Variants in TMEM117 observed in about 807,000 individuals in gnomAD.
TMEM117 encodes the protein transmembrane protein 117.
In TMEM117, 27 loss-of-function variants were observed where a neutral mutation model predicts 52.4. The observed-to-expected ratio is 0.51, with a 90% CI of 0.38 to 0.71. The LOEUF (loss-of-function observed/expected upper bound fraction) is 0.71, where lower values mean the gene tolerates loss of function less well. Among genes scored for constraint, TMEM117 ranks in the 30% least tolerant of loss-of-function variants. The pLI, the probability that TMEM117 is intolerant of heterozygous loss-of-function variation, is 0.00. For synonymous variants in TMEM117, 215 were observed against 206.3 expected (o/e 1.04, Z -0.36); for missense variants, 556 against 630.5 (o/e 0.88, Z 1.26).
intron 3 of TMEM117, among the ~76,000 whole-genome samples, chr12:44,042,681 G>A (rs539601948): frequency 6.6e-6 from 1 of 150,964 alleles, no homozygotes; most frequent in African/African-American, 2.4e-5. Flanking sequence ...TTTGGGACTC[G>A]GACTGGCTCT....
intron 3 of TMEM117, among the ~76,000 whole-genome samples, chr12:44,082,473 C>A (rs191458847): frequency 0.01 from 1,522 of 151,848 alleles, 9 homozygotes; most frequent in African/African-American, 0.016. Flanking sequence ...ATATTTTTAT[C>A]ATAAACAAAA....
In TMEM117 at chr12:44,030,487, T is replaced by C. The variant is rs563292467; in HGVS notation, c.410+86145T>C. The stretch of plus-strand genomic sequence containing the variant: ...GATTTTCACCAAAAGTAAAAGTCAC[T>C]AAGAGTTAACAGTGTAATGTGTATT... On this transcript the variant is annotated intron_variant, in intron 3 of 7. Transcript: ENST00000266534. 9.1e-4 allele frequency among the ~76,000 whole-genome samples: 139 copies of C among 152,310 alleles called. 1 individual carries two copies. Among genetic ancestry groups the C allele is most frequent in the African/African-American group, 2.9e-3 (122 of 41,572 alleles).
At chr12:44,307,909 A>G (rs571956634) in intron 6 of TMEM117, among the ~76,000 whole-genome samples, 8 of 152,366 alleles carry the variant, frequency 5.3e-5, no homozygotes, top group African/African-American at 1.7e-4. Flanking sequence ...TTAGGATTCA[A>G]TCATGGGTAC....
chr12:44,225,182 GAGAA>G (rs1237077657), intron 5 of TMEM117, among the ~76,000 whole-genome samples: 1 of 152,148 alleles, frequency 6.6e-6, no homozygotes, highest in African/African-American at 2.4e-5. Flanking sequence ...TTATTCAGTT[GAGAA>G]AGAACATACA....
intron 2 of TMEM117, among the ~76,000 whole-genome samples, chr12:43,922,834 CCCCT>C (rs1226815449): frequency 4.6e-5 from 7 of 152,116 alleles, no homozygotes; most frequent in Non-Finnish European, 1.0e-4. Context: ...AGAAGAAGTA[CCCCT>C]TTTCTCAGCC....
Position 43,865,500 on chromosome 12 carries a change from C to T in TMEM117, c.277+20572C>T, listed in dbSNP as rs555172705. Among the ~76,000 whole-genome samples, 4 of 152,050 alleles carry T rather than the reference C, an allele frequency of 2.6e-5. No homozygotes were observed. In the South Asian group the frequency reaches 6.2e-4, roughly 24 times the overall value. On this transcript the variant is annotated intron_variant, in intron 2 of 7. Transcript: ENST00000266534. The stretch of plus-strand genomic sequence containing the variant: ...TCACTTGAGGTCAGGAGTTTGAGAC[C>T]AGCCTGGCCAGCATCATGAAACTCC...
Position 44,020,189 on chromosome 12 carries a change from A to G in TMEM117, c.410+75847A>G, listed in dbSNP as rs555318580. Among the ~76,000 whole-genome samples the G allele has an allele frequency of 2.4e-3, 361 of 152,332 alleles. 3 individuals carry two copies. Among genetic ancestry groups the G allele is most frequent in the African/African-American group, 8.0e-3 (334 of 41,586 alleles). On this transcript the variant is annotated intron_variant, in intron 3 of 7. Coordinates refer to ENST00000266534, the MANE Select transcript of TMEM117 (RefSeq NM_032256.3). ...TTTAATAAAAGAAATAACTCTTTCAATGAAAATAATATGGTCTGTGTTAGC... is the reference window on the plus strand; with the variant it reads ...TTTAATAAAAGAAATAACTCTTTCAGTGAAAATAATATGGTCTGTGTTAGC...
intron 5 of TMEM117, among the ~76,000 whole-genome samples, chr12:44,293,493 C>G (rs548545781): frequency 6.6e-6 from 1 of 151,946 alleles, no homozygotes; most frequent in South Asian, 2.1e-4. Flanking sequence ...TTCTTCTGTT[C>G]CTTTCTTTTT....
chr12:44,268,206 C>T (rs565984042), intron 5 of TMEM117, among the ~76,000 whole-genome samples: 12 of 151,586 alleles, frequency 7.9e-5, no homozygotes, highest in African/African-American at 1.2e-4. Flanking sequence ...GACGTGATCT[C>T]GGCTCACTGC....
chr12:44,171,856 G>A (rs959691130), intron 4 of TMEM117, among the ~76,000 whole-genome samples: 1 of 152,132 alleles, frequency 6.6e-6, no homozygotes, highest in Admixed American at 6.5e-5. Context: ...AAGGAGAGAA[G>A]TATGAGAAGG....
At chr12:43,918,996 C>T (rs1944650251) in intron 2 of TMEM117, among the ~76,000 whole-genome samples, 1 of 152,076 alleles carries the variant, frequency 6.6e-6, no homozygotes, top group African/African-American at 2.4e-5. Flanking sequence ...TTCCAGTTTC[C>T]TGCAAGTATT....
At chr12:43,966,308 C>G (rs920496117) in intron 3 of TMEM117, among the ~76,000 whole-genome samples, 1 of 152,180 alleles carries the variant, frequency 6.6e-6, no homozygotes, top group East Asian at 1.9e-4. Flanking sequence ...ATTCCTGAAA[C>G]AAAACCCAAT....
At chr12:44,237,026 C>A (rs931148771) in intron 5 of TMEM117, among the ~76,000 whole-genome samples, 10 of 152,018 alleles carry the variant, frequency 6.6e-5, no homozygotes, top group African/African-American at 2.2e-4. Context: ...GTTAGCAGGT[C>A]CCTTCCAAGC....
At chr12:44,152,487 TTTTATATATATAATTATATCATATATAAA>T (rs1366370120) in intron 4 of TMEM117, among the ~76,000 whole-genome samples, 76 of 117,396 alleles carry the variant, frequency 6.5e-4, no homozygotes, top group Admixed American at 1.8e-3. Context: ...ATATATAAAT[TTTTATATATATAATTATATCATATATAAA>T]TTTATATATA....
intron 4 of TMEM117, among the ~76,000 whole-genome samples, chr12:44,173,368 T>G (rs998505636): frequency 1.3e-5 from 2 of 152,200 alleles, no homozygotes; most frequent in Non-Finnish European, 2.9e-5. Flanking sequence ...TGAGCCACCA[T>G]GCCTGGCAAC....
chr12:44,069,645 C>A (rs1173935722), intron 3 of TMEM117, among the ~76,000 whole-genome samples: 1 of 152,052 alleles, frequency 6.6e-6, no homozygotes, highest in African/African-American at 2.4e-5. Context: ...AGGTGGGAAA[C>A]CACTGTAATG....
At chr12:44,373,867 C>T (rs769134699) in intron 6 of TMEM117, among the ~76,000 whole-genome samples, 6 of 143,924 alleles carry the variant, frequency 4.2e-5, no homozygotes, top group African/African-American at 1.3e-4. Flanking sequence ...CTACAACCTC[C>T]GTCTCCCGGG....
intron 4 of TMEM117, among the ~76,000 whole-genome samples, chr12:44,170,674 C>A (rs1949032794): frequency 6.6e-6 from 1 of 152,188 alleles, no homozygotes; most frequent in South Asian, 2.1e-4. Context: ...CTCCTGGAGG[C>A]AGAACCAGTG....
chr12:43,939,756 GTGTATTAGTC>G (rs1945013535), intron 2 of TMEM117, among the ~76,000 whole-genome samples: 1 of 152,170 alleles, frequency 6.6e-6, no homozygotes. Flanking sequence ...CCAAAGCCAT[GTGTATTAGTC>G]TGTTCTCATT....
Sources: gnomAD v4.1 joint callset for allele counts (sites outside exome capture counted in the v4.1 genomes callset) on GRCh38, gnomAD v4.1.1 for gene constraint, MANE v1.5 for transcripts, NCBI Gene and HGNC (gene_info 2026-07-23, HGNC 2026-07-21) for gene names.